FKTN: variants seen among roughly 807,000 people sequenced by gnomAD.
FKTN encodes the protein ribitol-5-phosphate transferase FKTN.
In FKTN, 47 loss-of-function variants were observed where a neutral mutation model predicts 58.6. The observed-to-expected ratio is 0.80, with a 90% CI of 0.63 to 1.02. The LOEUF is 1.02. Among genes scored for constraint, FKTN ranks in the 50% least tolerant of loss-of-function variants. The probability of loss-of-function intolerance (pLI) is 0.00; values close to 1 mark genes in which losing one functional copy is unlikely to be tolerated. For missense variants in FKTN, 516 were observed against 537.3 expected, an observed-to-expected ratio of 0.96 and a Z score of 0.39; for synonymous variants, 178 against 191.9, an observed-to-expected ratio of 0.93 and a Z score of 0.60.
At chr9:105,615,710 C>T (rs1830681000) in intron 8 of FKTN, among the ~76,000 whole-genome samples, 1 of 152,102 alleles carries the variant, frequency 6.6e-6, no homozygotes, top group Non-Finnish European at 1.5e-5. Flanking sequence ...ACAATACATT[C>T]CAAGACCACC....
chr9:105,632,107 T>C (rs1221787029), intron 10 of FKTN, among the ~76,000 whole-genome samples: 4 of 152,118 alleles, frequency 2.6e-5, no homozygotes, highest in South Asian at 2.1e-4. Context: ...GATGAGTTCA[T>C]GTCCTTTGTA....
At chr9:105,569,986 G>A (rs1480107469) in intron 1 of FKTN, among the ~76,000 whole-genome samples, 1 of 152,038 alleles carries the variant, frequency 6.6e-6, no homozygotes, top group African/African-American at 2.4e-5. Context: ...TAGCTAAAAT[G>A]TAACATATAA....
intron 6 of FKTN, among the ~76,000 whole-genome samples, chr9:105,605,335 A>G (rs1212791727): frequency 6.6e-6 from 1 of 152,148 alleles, no homozygotes; most frequent in Non-Finnish European, 1.5e-5. Context: ...ATTGTGTGGT[A>G]AGACTAATTT....
intron 4 of FKTN, among the ~76,000 whole-genome samples, chr9:105,600,032 C>A (rs1203622766): frequency 6.6e-6 from 1 of 151,688 alleles, no homozygotes; most frequent in Non-Finnish European, 1.5e-5. Flanking sequence ...CATCTTGTGG[C>A]AGTTTTGTTA....
At chr9:105,597,741 G>A (rs904889441) in intron 4 of FKTN, among the ~76,000 whole-genome samples, 2 of 152,130 alleles carry the variant, frequency 1.3e-5, no homozygotes, top group African/African-American at 4.8e-5. Context: ...AACAGCCAAA[G>A]GCAACAGGGG....
intron 1 of FKTN, among the ~76,000 whole-genome samples, chr9:105,571,872 C>T (rs1318132006): frequency 2.0e-5 from 3 of 152,102 alleles, no homozygotes; most frequent in Non-Finnish European, 1.5e-5. Flanking sequence ...CTTTTGCGTG[C>T]TAATATGATG....
chr9:105,611,866 G>A (rs1418399155), intron 7 of FKTN, among the ~76,000 whole-genome samples: 6 of 152,020 alleles, frequency 3.9e-5, no homozygotes, highest in African/African-American at 1.4e-4. Context: ...GTATATACCT[G>A]ATAATGGAAT....
Position 105,615,409 on chromosome 9 carries a change from T to C in FKTN, c.910+2T>C. 6.2e-7 allele frequency: 1 copy of C among 1,614,030 alleles called. No individual in the cohort carries two copies. The highest frequency in any genetic ancestry group is 8.5e-7 in the Non-Finnish European group (1 of 1,179,894). On this transcript the variant is annotated splice_donor_variant, in intron 8 of 10. Coordinates refer to ENST00000357998, the MANE Select transcript of FKTN (RefSeq NM_001079802.2). LOFTEE classifies it high-confidence loss of function. ...GGCTGAGCAGTGGAACTTGTCTAGG[T>C]AAAATTCTTACGACTTTCCATTTGT...
chr9:105,639,119 A>G lies in FKTN; in HGVS notation c.*3855A>G, dbSNP rs1834253464. On this transcript the variant is annotated 3_prime_UTR_variant, in exon 11 of 11. Transcript: ENST00000357998. ...GAAATATTCCCTCAAAACCTAGTCAAGAAAGTGCCACATTCCCACCTTCTA... is the reference window on the plus strand; with the variant it reads ...GAAATATTCCCTCAAAACCTAGTCAGGAAAGTGCCACATTCCCACCTTCTA... The G allele has an allele frequency of 1.0e-6, 1 of 985,374 alleles. No homozygotes were observed. Among genetic ancestry groups the G allele is most frequent in the Non-Finnish European group, 1.2e-6 (1 of 829,846 alleles). 61.0% of individuals were successfully genotyped at this position (985,374 alleles called of 1,614,324 possible).
At chr9:105,629,525 A>G (rs1347859520) in intron 10 of FKTN, among the ~76,000 whole-genome samples, 2 of 152,200 alleles carry the variant, frequency 1.3e-5, no homozygotes, top group African/African-American at 4.8e-5. Flanking sequence ...AGCAAGCACA[A>G]CTGGAGTCTA....
intron 10 of FKTN, among the ~76,000 whole-genome samples, chr9:105,632,187 A>G (rs10978174): frequency 0.12 from 18,641 of 151,298 alleles, 1,466 homozygotes; most frequent in Admixed American, 0.23. Flanking sequence ...CAAACACCGC[A>G]TATTCTCACT....
chr9:105,604,452 C>G lies in FKTN; in HGVS notation c.607C>G (p.Arg203Gly). Residue 203 changes from arginine to glycine, a missense_variant, in exon 6 of 11, where the codon CGA becomes GGA. Arg to Gly is a moderately radical substitution (Grantham distance 125, BLOSUM62 -2). Transcript: ENST00000357998. ...CATTGACAGGAAATTTGTTCCCTTC[C>G]GAAAGTTACAGTTTGGTCGTTATCC... ...EHIDRKFVPF[R>G]KLQFGRYPGA... The G allele has an allele frequency of 6.2e-7, 1 of 1,614,000 alleles. No individual in the cohort carries two copies.
intron 3 of FKTN, among the ~76,000 whole-genome samples, chr9:105,585,273 A>C (rs764095764): frequency 6.6e-6 from 1 of 152,154 alleles, no homozygotes; most frequent in Non-Finnish European, 1.5e-5. Flanking sequence ...AAAAATAAGA[A>C]AATTAGCTGG....
Position 105,636,151 on chromosome 9 carries a change from A to G in FKTN, c.*887A>G, listed in dbSNP as rs1834018815. 3.2e-6 allele frequency: 3 copies of G among 946,212 alleles called. No individual in the cohort carries two copies. Among genetic ancestry groups the G allele is most frequent in the Non-Finnish European group, 3.8e-6 (3 of 794,562 alleles). The allele number at this position is 946,212 out of a possible 1,614,324, so 58.6% of individuals were successfully genotyped here. ...AATATGAGAAATTCATGTACATTTTATATTTTCTGAATTTATAATCTGTGC... is the reference window on the plus strand; with the variant it reads ...AATATGAGAAATTCATGTACATTTTGTATTTTCTGAATTTATAATCTGTGC... On this transcript the variant is annotated 3_prime_UTR_variant, in exon 11 of 11. Transcript: ENST00000357998.
rs533253533 is a variant in FKTN, at chr9:105,583,849, A to G, written c.105+8712A>G. On this transcript the variant is annotated intron_variant, in intron 3 of 10. Transcript: ENST00000357998. ...TTCACTAAAATGAATTTATTTTAGT[A>G]TGAGGTATGAATTAGACATCTAACT... 1.5e-3 allele frequency among the ~76,000 whole-genome samples: 230 copies of G among 152,308 alleles called. 1 individual carries two copies. Among genetic ancestry groups the G allele is most frequent in the African/African-American group, 5.2e-3 (216 of 41,590 alleles).
chr9:105,566,606 A>T (rs11525961), intron 1 of FKTN, among the ~76,000 whole-genome samples: 18,811 of 152,226 alleles, frequency 0.12, 1,485 homozygotes, highest in Admixed American at 0.23. Context: ...AAGAAGTTGA[A>T]TCTCTGAATA....
intron 3 of FKTN, among the ~76,000 whole-genome samples, chr9:105,579,742 A>G (rs1587912099): frequency 6.9e-6 from 1 of 144,110 alleles, no homozygotes; most frequent in East Asian, 2.0e-4. Context: ...TGTCTCGTTG[A>G]TCTGTCTAAT....
Position 105,636,908 on chromosome 9 carries a change from T to C in FKTN, c.*1644T>C. 1 of 1,083,542 alleles carries C rather than the reference T, an allele frequency of 9.2e-7. No homozygotes were observed. The highest frequency in any genetic ancestry group is 1.1e-6 in the Non-Finnish European group (1 of 873,048). The allele number at this position is 1,083,542 out of a possible 1,614,324, so 67.1% of individuals were successfully genotyped here. ...CTTTGATAAATGATAACCAACAGTC[T>C]TCTGTCCTAATTTGCATTCTCAATG... On this transcript the variant is annotated 3_prime_UTR_variant, in exon 11 of 11. Transcript: ENST00000357998.
chr9:105,617,810 C>T, intron 8 of FKTN, 149 bp from the exon 9 acceptor site: 1 of 584,268 alleles, frequency 1.7e-6, no homozygotes, highest in South Asian at 2.1e-5. Context: ...TCACTTGAGC[C>T]AGGAGTTTGC....
Sources: allele counts gnomAD v4.1 joint callset (sites outside exome capture counted in the v4.1 genomes callset), GRCh38; gene constraint gnomAD v4.1.1; transcripts MANE v1.5; gene names NCBI Gene and HGNC (gene_info 2026-07-23, HGNC 2026-07-21).